Variants in CACNG2 observed in about 807,000 individuals in gnomAD.
CACNG2 encodes the protein calcium voltage-gated channel auxiliary subunit gamma 2, also known as voltage-dependent calcium channel gamma-2 subunit.
CACNG2 carries 3 observed loss-of-function variants against 25.9 expected under a neutral mutation model. The ratio of observed to expected loss-of-function variants is 0.12; its 90% confidence interval spans 0.05 to 0.30. The LOEUF (loss-of-function observed/expected upper bound fraction) is 0.30, where lower values mean the gene tolerates loss of function less well. Among genes scored for constraint, CACNG2 ranks in the 10% least tolerant of loss-of-function variants. The probability of loss-of-function intolerance (pLI) is 1.00; values close to 1 mark genes in which losing one functional copy is unlikely to be tolerated. For missense variants in CACNG2, 341 were observed against 432.5 expected (o/e 0.79, Z 1.88); for synonymous variants, 167 against 173.3 (o/e 0.96, Z 0.29).
intron 1 of CACNG2, among the ~76,000 whole-genome samples, chr22:36,684,385 G>A (rs560843344): frequency 6.6e-6 from 1 of 152,228 alleles, no homozygotes; most frequent in Admixed American, 6.5e-5. Flanking sequence ...GGAGGCCGAG[G>A]TGGGTGGATC....
Position 36,563,525 on chromosome 22 carries a change from T to A in CACNG2, c.*826A>T, listed in dbSNP as rs1391914457. On this transcript the variant is annotated 3_prime_UTR_variant, in exon 4 of 4. Coordinates refer to ENST00000300105, the MANE Select transcript of CACNG2 (RefSeq NM_006078.5). ...CTCAAGGCCTAGGAAGTCATCACAG[T>A]GGGTTAAGGAGCATTAAGGACTGGG... 6.6e-6 allele frequency among the ~76,000 whole-genome samples: 1 copy of A among 151,944 alleles called. No individual in the cohort carries two copies. Among genetic ancestry groups the A allele is most frequent in the Non-Finnish European group, 1.5e-5 (1 of 67,940 alleles).
intron 1 of CACNG2, among the ~76,000 whole-genome samples, chr22:36,630,043 G>C (rs1324426228): frequency 6.6e-6 from 1 of 152,190 alleles, no homozygotes; most frequent in Admixed American, 6.5e-5. Flanking sequence ...GAACAGCAAG[G>C]CTTTTAGGCA....
intron 1 of CACNG2, among the ~76,000 whole-genome samples, chr22:36,695,652 C>T (rs974392282): frequency 1.3e-5 from 2 of 152,092 alleles, no homozygotes; most frequent in African/African-American, 4.8e-5. Context: ...GTCTTCACTC[C>T]CATCTCACCT....
At chr22:36,680,665 C>T (rs1937104626) in intron 1 of CACNG2, among the ~76,000 whole-genome samples, 2 of 126,792 alleles carry the variant, frequency 1.6e-5, no homozygotes, top group Non-Finnish European at 1.7e-5. Context: ...CCATCACCAC[C>T]ATCTTCATGA....
chr22:36,572,195 C>T (rs963610469), intron 2 of CACNG2, among the ~76,000 whole-genome samples: 3 of 152,212 alleles, frequency 2.0e-5, no homozygotes, highest in Non-Finnish European at 2.9e-5. Flanking sequence ...CTGTACCAGG[C>T]CTTGTTCTAA....
chr22:36,628,740 G>A (rs905939723), intron 1 of CACNG2, among the ~76,000 whole-genome samples: 10 of 152,110 alleles, frequency 6.6e-5, no homozygotes, highest in Non-Finnish European at 1.5e-4. Flanking sequence ...GAATCCTGCT[G>A]TTCCTTCTAG....
At chr22:36,625,703 T>C (rs1387624040) in intron 1 of CACNG2, among the ~76,000 whole-genome samples, 1 of 152,224 alleles carries the variant, frequency 6.6e-6, no homozygotes, top group Non-Finnish European at 1.5e-5. Context: ...GTGTTTATCT[T>C]TAACTACAGT....
intron 1 of CACNG2, among the ~76,000 whole-genome samples, chr22:36,683,475 G>T (rs1937153984): frequency 6.6e-6 from 1 of 152,254 alleles, no homozygotes; most frequent in East Asian, 1.9e-4. Context: ...TCTCTCTTAG[G>T]CTTGTGAGTC....
At chr22:36,618,606 A>G (rs771239723) in intron 1 of CACNG2, among the ~76,000 whole-genome samples, 11 of 152,176 alleles carry the variant, frequency 7.2e-5, no homozygotes, top group Non-Finnish European at 1.5e-4. Flanking sequence ...GAGACAACAG[A>G]ATGGCCTGCA....
chr22:36,643,722 C>G (rs151162136), intron 1 of CACNG2, among the ~76,000 whole-genome samples: 1 of 152,200 alleles, frequency 6.6e-6, no homozygotes, highest in African/African-American at 2.4e-5. Flanking sequence ...AGAGAGGGAA[C>G]GTATGTCAGT....
intron 3 of CACNG2, among the ~76,000 whole-genome samples, chr22:36,565,456 G>A (rs116814919): frequency 5.9e-5 from 9 of 151,952 alleles, no homozygotes; most frequent in African/African-American, 1.9e-4. Flanking sequence ...GTGAATACAT[G>A]TGAGTACTCT....
At chr22:36,686,451 G>A (rs1432293073) in intron 1 of CACNG2, among the ~76,000 whole-genome samples, 1 of 152,166 alleles carries the variant, frequency 6.6e-6, no homozygotes, top group Non-Finnish European at 1.5e-5. Context: ...AGGGGAGCCC[G>A]GAGCTCCCCC....
chr22:36,567,852 A>T (rs544405007), intron 2 of CACNG2, among the ~76,000 whole-genome samples: 3 of 151,848 alleles, frequency 2.0e-5, no homozygotes, highest in Non-Finnish European at 4.4e-5. Context: ...TGTCTTCTTT[A>T]TTATTATTAT....
intron 1 of CACNG2, among the ~76,000 whole-genome samples, chr22:36,613,933 A>T (rs1603501663): frequency 6.6e-6 from 1 of 152,028 alleles, no homozygotes; most frequent in East Asian, 1.9e-4. Context: ...CCAATTCTTT[A>T]ACATGTCTTG....
At chr22:36,683,799 C>T (rs1937159399) in intron 1 of CACNG2, among the ~76,000 whole-genome samples, 1 of 152,128 alleles carries the variant, frequency 6.6e-6, no homozygotes, top group African/African-American at 2.4e-5. Flanking sequence ...AAGGGAAAAT[C>T]CTTCAGTACA....
chr22:36,634,153 G>A (rs1256621009), intron 1 of CACNG2, among the ~76,000 whole-genome samples: 1 of 152,176 alleles, frequency 6.6e-6, no homozygotes, highest in African/African-American at 2.4e-5. Flanking sequence ...ATGTGGCAGA[G>A]ACTACTATGA....
intron 1 of CACNG2, 36 bp downstream of exon 1, chr22:36,702,330 G>T (rs1450232864): frequency 1.1e-5 from 16 of 1,395,768 alleles, no homozygotes; most frequent in Non-Finnish European, 1.4e-5. Context: ...GGGAGGGGTG[G>T]GGTGGAGAGG....
Position 36,702,863 on chromosome 22 carries a change from A to AT in CACNG2, c.-288_-287insA, listed in dbSNP as rs1432272269. ...TTTTTTTTAAAAAGAAAAGGAAAAA[A>AT]AAAATAAAAAGACACCCCCCACCCC... On this transcript the variant is annotated 5_prime_UTR_variant, in exon 1 of 4. Coordinates refer to ENST00000300105, the MANE Select transcript of CACNG2 (RefSeq NM_006078.5). 6.6e-6 allele frequency: 2 copies of AT among 300,948 alleles called. No homozygotes were observed. The highest frequency in any genetic ancestry group is 5.5e-5 in the South Asian group (1 of 18,184). The allele number at this position is 300,948 out of a possible 1,614,324, so 18.6% of individuals were successfully genotyped here.
At chr22:36,659,368 C>T (rs143649215) in intron 1 of CACNG2, among the ~76,000 whole-genome samples, 11 of 152,068 alleles carry the variant, frequency 7.2e-5, no homozygotes, top group East Asian at 1.9e-4. Context: ...TTCTCAGGGA[C>T]GGGAAAGGAG....
Sources: gnomAD v4.1 joint callset for allele counts (sites outside exome capture counted in the v4.1 genomes callset) on GRCh38, gnomAD v4.1.1 for gene constraint, MANE v1.5 for transcripts, NCBI Gene and HGNC (gene_info 2026-07-23, HGNC 2026-07-21) for gene names.